The following ZKSCAN7 variants were observed in gnomAD, a reference collection of about 807,000 sequenced individuals.
ZKSCAN7 encodes the protein zinc finger protein with KRAB and SCAN domains 7.
In ZKSCAN7, 38 loss-of-function variants were observed where a neutral mutation model predicts 65.3. The ratio of observed to expected loss-of-function variants is 0.58; its 90% CI spans 0.45 to 0.76. The LOEUF is 0.76. Ranked by LOEUF, ZKSCAN7 falls within the 30% of genes least tolerant of loss-of-function variation. The pLI is 0.00. For synonymous variants in ZKSCAN7, 321 were observed against 321.0 expected (o/e 1.00, Z 0.00); for missense variants, 815 against 913.3 (o/e 0.89, Z 1.39).
At chr3:44,568,833 A>T (rs1405512692) in intron 5 of ZKSCAN7, among the ~76,000 whole-genome samples, 1 of 152,350 alleles carries the variant, frequency 6.6e-6, no homozygotes, top group African/African-American at 2.4e-5. Context: ...CCTGTGTTCC[A>T]GTGTGAATGT....
In ZKSCAN7 at chr3:44,570,000, C is replaced by T; in HGVS notation, c.890C>T (p.Thr297Ile). The T allele has an allele frequency of 6.2e-7, 1 of 1,610,628 alleles. No homozygotes were observed. Among genetic ancestry groups the T allele is most frequent in the Non-Finnish European group, 8.5e-7 (1 of 1,178,740 alleles). The change falls in exon 6 of 6, where the codon ACA (threonine) becomes ATA (isoleucine). Residue 297 changes from threonine (T) to isoleucine (I), a missense_variant. Thr to Ile is a moderately conservative substitution (Grantham distance 89, BLOSUM62 -1). Around this residue, in one of 3 missense-constraint regions of ZKSCAN7, gnomAD observed 578 missense variants for 629.5 expected, o/e 0.92. Transcript: ENST00000426540. ...FFKGSESSNR[T>I]SGGLFGVVPG... Reference sequence around the variant, plus strand: ...AAAGGATCAGAGTCATCTAACAGGACATCAGGGGGACTCTTTGGGGTGGTT... The same window carrying T: ...AAAGGATCAGAGTCATCTAACAGGATATCAGGGGGACTCTTTGGGGTGGTT...
Position 44,568,012 on chromosome 3 carries a change from G to T in ZKSCAN7, c.684+9G>T. On this transcript the variant is annotated intron_variant, in intron 4 of 5. Coordinates refer to ENST00000426540, the MANE Select transcript of ZKSCAN7 (RefSeq NM_001288590.2). The stretch of plus-strand genomic sequence containing the variant: ...GGATGGTCAGGCCCCAGGTGAGCTT[G>T]GTTCTTTGTGTTTTTACCAAGTCCC... 7.2e-7 allele frequency: 1 copy of T among 1,381,070 alleles called. No individual in the cohort carries two copies. The highest frequency in any genetic ancestry group is 9.9e-7 in the Non-Finnish European group (1 of 1,007,386). 85.6% of individuals were successfully genotyped at this position (1,381,070 alleles called of 1,614,324 possible). A position where few individuals can be genotyped will look rare whatever the true frequency, so the allele number is the denominator to read the frequency against.
rs1559429903 is a variant in ZKSCAN7, at chr3:44,571,194, AT to A, written c.2086del (p.Cys696ValfsTer72). ...HTGEKPYKCN[D>X]CGKAFSDSSQ... is the part of the protein sequence containing the mutation. ...GGGGAAAAACCCTATAAATGCAATG[AT>A]TGTGGGAAAGCTTTTAGTGACAGCT... On this transcript the variant is annotated frameshift_variant, in exon 6 of 6. Transcript: ENST00000426540. LOFTEE classifies it high-confidence loss of function. The A allele has an allele frequency of 2.5e-6, 4 of 1,614,108 alleles. No homozygotes were observed. The highest frequency in any genetic ancestry group is 3.4e-6 in the Non-Finnish European group (4 of 1,180,048).
Position 44,582,935 on chromosome 3 carries a change from T to C in ZKSCAN7, c.812-37T>C, listed in dbSNP as rs1053007449. ...GTGTGTGTGTGTGTGTGTGTGTGTGTGTGTGTGTGTGACTGAGTTTCACTC... is the reference window on the plus strand; with the variant it reads ...GTGTGTGTGTGTGTGTGTGTGTGTGCGTGTGTGTGTGACTGAGTTTCACTC... On this transcript the variant is annotated intron_variant, in intron 5 of 5. Coordinates refer to the ZKSCAN7 transcript ENST00000341840. 1.0e-4 allele frequency: 36 copies of C among 351,596 alleles called. No individual in the cohort carries two copies. The East Asian group carries it at 4.4e-3, about 43-fold the overall frequency. 21.8% of individuals were successfully genotyped at this position (351,596 alleles called of 1,614,324 possible).
intron 5 of ZKSCAN7, among the ~76,000 whole-genome samples, chr3:44,578,633 T>C (rs992950409): frequency 3.9e-5 from 6 of 152,174 alleles, no homozygotes; most frequent in Admixed American, 3.9e-4. Flanking sequence ...GGCCTCAACA[T>C]CCGAGTTGAC....
At chr3:44,568,670 C>T (rs1559427645) in intron 5 of ZKSCAN7, among the ~76,000 whole-genome samples, 1 of 152,170 alleles carries the variant, frequency 6.6e-6, no homozygotes, top group Non-Finnish European at 1.5e-5. Flanking sequence ...TTGTAAGGAA[C>T]AGAGAGCCAC....
chr3:44,560,394 C>G (rs995538948), intron 2 of ZKSCAN7, among the ~76,000 whole-genome samples: 4 of 151,992 alleles, frequency 2.6e-5, no homozygotes. Flanking sequence ...CACTTTATTG[C>G]TGCAGAAGGA....
intron 3 of ZKSCAN7, among the ~76,000 whole-genome samples, chr3:44,567,563 A>G (rs1699673116): frequency 6.6e-6 from 1 of 152,174 alleles, no homozygotes; most frequent in African/African-American, 2.4e-5. Context: ...AGTGTCCATA[A>G]TGAGAGGGCA....
chr3:44,567,135 GAGAA>G (rs34911702), intron 3 of ZKSCAN7, among the ~76,000 whole-genome samples: 48,285 of 146,642 alleles, frequency 0.33, 8,498 homozygotes, highest in African/African-American at 0.42. Flanking sequence ...GAGAGAGAAA[GAGAA>G]AGAAAGGAAA....
rs139092644 is a variant in ZKSCAN7, at chr3:44,569,390, C to T, written c.812-532C>T. ...TTTTTACTGTCCTATCATGTAAGAT[C>T]TGTTCTTTTTGTACACTTTCCTTAT... On this transcript the variant is annotated intron_variant, in intron 5 of 5. Transcript: ENST00000426540. 4.4e-3 allele frequency among the ~76,000 whole-genome samples: 671 copies of T among 152,304 alleles called. 2 individuals are homozygous for T. Among genetic ancestry groups the T allele is most frequent in the African/African-American group, 0.015 (636 of 41,566 alleles).
chr3:44,572,576 G>A (rs1026982706), downstream of ZKSCAN7, among the ~76,000 whole-genome samples: 6 of 151,994 alleles, frequency 3.9e-5, no homozygotes, highest in South Asian at 6.2e-4. Flanking sequence ...TCAGCTGGGC[G>A]CAGTGGCTCA....
Position 44,565,261 on chromosome 3 carries a change from G to A in ZKSCAN7, c.424-226G>A, listed in dbSNP as rs181359567. 1.5e-3 allele frequency among the ~76,000 whole-genome samples: 227 copies of A among 152,242 alleles called. 7 individuals are homozygous for A. The highest frequency in any genetic ancestry group is 0.013 in the Admixed American group (201 of 15,286). ...AATGGTTATAGAATCTGGTCCTCAAGCCCCTACCAAAAGGGTCAACAGAGG... is the reference window on the plus strand; with the variant it reads ...AATGGTTATAGAATCTGGTCCTCAAACCCCTACCAAAAGGGTCAACAGAGG... On this transcript the variant is annotated intron_variant, in intron 2 of 5. Coordinates refer to ENST00000426540, the MANE Select transcript of ZKSCAN7 (RefSeq NM_001288590.2).
intron 5 of ZKSCAN7, among the ~76,000 whole-genome samples, chr3:44,581,388 A>G (rs1364151868): frequency 1.3e-5 from 2 of 152,066 alleles, no homozygotes; most frequent in Admixed American, 6.5e-5. Context: ...CAAATGACCA[A>G]TTCTTAAGAT....
At chr3:44,555,933 C>T (rs563871667) in intron 1 of ZKSCAN7, among the ~76,000 whole-genome samples, 3 of 152,304 alleles carry the variant, frequency 2.0e-5, no homozygotes, top group Admixed American at 6.5e-5. Context: ...CATGTGCACA[C>T]GTGTACAAAG....
chr3:44,583,236 T>G (rs1280549494), exon 6 of ZKSCAN7: 1 of 215,320 alleles, frequency 4.6e-6, no homozygotes, highest in Non-Finnish European at 9.4e-6. Flanking sequence ...CCTATTCTTT[T>G]TAAGTTTCTT....
Position 44,557,669 on chromosome 3 carries a change from A to G in ZKSCAN7, c.423+199A>G, listed in dbSNP as rs144778773. 1.8e-4 allele frequency: 122 copies of G among 694,096 alleles called. No individual in the cohort carries two copies. The East Asian group carries it at 3.3e-3, about 19-fold the overall frequency. 43.0% of individuals were successfully genotyped at this position (694,096 alleles called of 1,614,324 possible). ...ACATCCCAGCTAAGCTCTGTGATTC[A>G]CCCTGTGAAATACTGTGTTCTGAGC... On this transcript the variant is annotated intron_variant, in intron 2 of 5. Coordinates refer to ENST00000426540, the MANE Select transcript of ZKSCAN7 (RefSeq NM_001288590.2).
chr3:44,557,559 A>G, intron 2 of ZKSCAN7, 89 bp downstream of exon 2: 1 of 1,569,248 alleles, frequency 6.4e-7, no homozygotes, highest in Non-Finnish European at 8.6e-7. Flanking sequence ...CCCAGGCCCT[A>G]GGCCAGTTTG....
chr3:44,555,748 T>G (rs933027290), intron 1 of ZKSCAN7, among the ~76,000 whole-genome samples: 4 of 152,376 alleles, frequency 2.6e-5, no homozygotes, highest in African/African-American at 9.6e-5. Context: ...TTTAAAGTCC[T>G]TCTTTGTCTT....
At chr3:44,567,396 T>C (rs1699667497) in intron 3 of ZKSCAN7, among the ~76,000 whole-genome samples, 1 of 152,194 alleles carries the variant, frequency 6.6e-6, no homozygotes, top group African/African-American at 2.4e-5. Context: ...CTTAAAGTGT[T>C]GCAGGACACC....
Sources: gnomAD v4.1 joint callset for allele counts (sites outside exome capture counted in the v4.1 genomes callset) on GRCh38, gnomAD v4.1.1 for gene constraint, gnomAD v4.1.1 regional missense constraint, MANE v1.5 for transcripts, NCBI Gene and HGNC (gene_info 2026-07-23, HGNC 2026-07-21) for gene names.